The following NRXN1 variants were observed in gnomAD, a reference collection of about 807,000 sequenced individuals.
The protein encoded by NRXN1 is neurexin-1.
Under a neutral mutation model 150.9 loss-of-function variants are expected in NRXN1, and 39 were observed. That is an observed-to-expected ratio of 0.26 (90% CI 0.20 to 0.34). NRXN1 has a LOEUF of 0.34. Among genes scored for constraint, NRXN1 ranks in the 10% least tolerant of loss-of-function variants. The pLI, the probability that NRXN1 is intolerant of heterozygous loss-of-function variation, is 1.00. For missense variants in NRXN1, 1,815 were observed against 1,949.9 expected, an observed-to-expected ratio of 0.93 and a Z score of 1.30; for synonymous variants, 924 against 757.0, an observed-to-expected ratio of 1.22 and a Z score of -3.62.
chr2:50,654,112 G>T (rs998450209), intron 5 of NRXN1, among the ~76,000 whole-genome samples: 1 of 148,366 alleles, frequency 6.7e-6, no homozygotes, highest in African/African-American at 2.5e-5. Flanking sequence ...CATGTGCCAT[G>T]TTGGTGTGCT....
At chr2:50,950,798 T>C (rs1018495243) in intron 2 of NRXN1, among the ~76,000 whole-genome samples, 2 of 152,236 alleles carry the variant, frequency 1.3e-5, no homozygotes, top group African/African-American at 4.8e-5. Context: ...TTTACAAAGA[T>C]ACCTTGTTTA....
chr2:51,014,360 G>T (rs887117503), intron 2 of NRXN1, among the ~76,000 whole-genome samples: 2 of 152,056 alleles, frequency 1.3e-5, no homozygotes, highest in Non-Finnish European at 2.9e-5. Flanking sequence ...GGCAGATAAA[G>T]ATAATTGAAG....
intron 18 of NRXN1, 117 bp from the exon 19 acceptor site, chr2:50,091,611 A>T: frequency 9.3e-7 from 1 of 1,070,696 alleles, no homozygotes; most frequent in South Asian, 1.3e-5. Flanking sequence ...CTTTCCTCCA[A>T]TTTTACTTCT....
In NRXN1 at chr2:50,186,353, G is replaced by T. The variant is rs553957320; in HGVS notation, c.3546+50436C>A. Among the ~76,000 whole-genome samples, 6 of 152,130 alleles carry T rather than the reference G, an allele frequency of 3.9e-5. No individual in the cohort carries two copies. In the South Asian group the frequency reaches 1.2e-3, roughly 32 times the overall value. On this transcript the variant is annotated intron_variant, in intron 18 of 22. Transcript: ENST00000401669. ...TCCCTAAAGCTTGTAAATTGTCAAA[G>T]ATATCAGATTTTAAAGGATATGAAC...
Position 50,249,544 on chromosome 2 carries a change from T to C in NRXN1, c.3365-12574A>G, listed in dbSNP as rs556886181. ...ATTTACTATGTATAAAGCACCATGC[T>C]AGATCCTGATGATGATAAAAAGGTG... On this transcript the variant is annotated intron_variant, in intron 17 of 22. Transcript: ENST00000401669. Among the ~76,000 whole-genome samples, 3 of 152,260 alleles carry C rather than the reference T, an allele frequency of 2.0e-5. 1 individual carries two copies. The highest frequency in any genetic ancestry group is 7.2e-5 in the African/African-American group (3 of 41,562).
chr2:50,739,194 T>C, intron 5 of NRXN1: 1 of 430,952 alleles, frequency 2.3e-6, no homozygotes, highest in Non-Finnish European at 4.7e-6. Flanking sequence ...ATTATGGATT[T>C]TCTGACAGTA....
At chr2:50,186,632 C>G (rs2061089970) in intron 18 of NRXN1, among the ~76,000 whole-genome samples, 1 of 151,976 alleles carries the variant, frequency 6.6e-6, no homozygotes, top group Admixed American at 6.6e-5. Flanking sequence ...GTAATCTTGA[C>G]AGTAAGAAGC....
chr2:50,735,428 AAG>A (rs1171774991), intron 5 of NRXN1, among the ~76,000 whole-genome samples: 1 of 152,160 alleles, frequency 6.6e-6, no homozygotes, highest in Admixed American at 6.6e-5. Flanking sequence ...TGGAGACAGA[AAG>A]AGAGGCACAC....
At chr2:50,617,086 G>C (rs780737796) in intron 8 of NRXN1, among the ~76,000 whole-genome samples, 3 of 152,060 alleles carry the variant, frequency 2.0e-5, no homozygotes, top group Non-Finnish European at 4.4e-5. Flanking sequence ...ACAAGAGCAG[G>C]GCCTTCTAAA....
intron 5 of NRXN1, among the ~76,000 whole-genome samples, chr2:50,703,010 C>T (rs1693968709): frequency 1.3e-5 from 2 of 152,024 alleles, no homozygotes; most frequent in African/African-American, 4.8e-5. Context: ...AAAGTAACAC[C>T]TAACGAACAG....
At chr2:50,539,935 C>T (rs548001815) in intron 9 of NRXN1, among the ~76,000 whole-genome samples, 2 of 152,218 alleles carry the variant, frequency 1.3e-5, no homozygotes, top group East Asian at 1.9e-4. Context: ...ACCAAAAGCC[C>T]GCCCCAAGTG....
chr2:50,236,957 A>G lies in NRXN1; in HGVS notation c.3378T>C (p.Tyr1126=), dbSNP rs1420076341. Residue 1126 remains tyrosine, a synonymous_variant, in exon 18 of 23, where the codon TAT becomes TAC. Transcript: ENST00000401669. Reference sequence around the variant, plus strand: ...TTTGTCCACCACCTTTGCTAAAGATATATGTCGTCCCAGCTGGAAAACAAA... The same window carrying G: ...TTTGTCCACCACCTTTGCTAAAGATGTATGTCGTCCCAGCTGGAAAACAAA... ...GPLCNDPGTT[Y]IFSKGGGQIT... is the part of the protein sequence containing the mutation. 1.9e-6 allele frequency: 3 copies of G among 1,612,968 alleles called. No homozygotes were observed. The highest frequency in any genetic ancestry group is 1.3e-5 in the African/African-American group (1 of 74,854).
chr2:50,740,485 A>G (rs1699299612), intron 5 of NRXN1, among the ~76,000 whole-genome samples: 1 of 152,194 alleles, frequency 6.6e-6, no homozygotes, highest in Non-Finnish European at 1.5e-5. Flanking sequence ...CAGGTTCTAA[A>G]GAACCTGGAG....
intron 5 of NRXN1, among the ~76,000 whole-genome samples, chr2:50,868,546 A>G (rs1677303160): frequency 6.6e-6 from 1 of 151,736 alleles, no homozygotes; most frequent in South Asian, 2.1e-4. Flanking sequence ...TGTGTTCCTT[A>G]AATTGATACA....
chr2:50,509,429 C>T (rs2105024931), intron 12 of NRXN1, among the ~76,000 whole-genome samples: 1 of 152,168 alleles, frequency 6.6e-6, no homozygotes, highest in African/African-American at 2.4e-5. Context: ...AATGACTGTT[C>T]CTAAAGATAT....
At chr2:50,848,678 A>G (rs2105965043) in intron 5 of NRXN1, among the ~76,000 whole-genome samples, 1 of 152,292 alleles carries the variant, frequency 6.6e-6, no homozygotes, top group African/African-American at 2.4e-5. Context: ...AAATTATTAT[A>G]TTTTATGTCT....
In NRXN1 at chr2:50,551,642, A is replaced by G. The variant is rs74392284; in HGVS notation, c.1759+945T>C. Among the ~76,000 whole-genome samples, 720 of 152,330 alleles carry G rather than the reference A, an allele frequency of 4.7e-3. 7 individuals carry two copies. Among genetic ancestry groups the G allele is most frequent in the African/African-American group, 0.016 (681 of 41,572 alleles). ...GGTCTAAATTTAGTTATCTTCTATT[A>G]TAAGATCATTTGATTTATGTATGAG... On this transcript the variant is annotated intron_variant, in intron 9 of 22. Transcript: ENST00000401669.
intron 2 of NRXN1, among the ~76,000 whole-genome samples, chr2:50,976,232 A>C (rs747203983): frequency 2.0e-5 from 3 of 151,092 alleles, no homozygotes; most frequent in Admixed American, 6.6e-5. Flanking sequence ...CTAGGTGCAC[A>C]AAGGAACAAT....
chr2:50,572,179 G>T (rs983683927), intron 8 of NRXN1, among the ~76,000 whole-genome samples: 1 of 152,102 alleles, frequency 6.6e-6, no homozygotes, highest in African/African-American at 2.4e-5. Context: ...GAGCCTGAAG[G>T]CAACCACAAA....
Sources: allele counts gnomAD v4.1 joint callset (sites outside exome capture counted in the v4.1 genomes callset), GRCh38; gene constraint gnomAD v4.1.1; transcripts MANE v1.5; gene names NCBI Gene and HGNC (gene_info 2026-07-23, HGNC 2026-07-21).